Variants in POLR3G observed in about 807,000 individuals in gnomAD.
POLR3G encodes RNA polymerase III subunit G, also known as DNA-directed RNA polymerase III subunit RPC7.
Under a neutral mutation model 30.1 loss-of-function variants are expected in POLR3G, and 28 were observed. The observed-to-expected ratio is 0.93, with a 90% CI of 0.69 to 1.27. POLR3G has a LOEUF of 1.27. POLR3G is among the 50% of genes most tolerant of loss of function. The pLI, the probability that POLR3G is intolerant of heterozygous loss-of-function variation, is 0.00. For synonymous variants in POLR3G, 79 were observed against 82.5 expected (o/e 0.96, Z 0.23); for missense variants, 254 against 264.6 (o/e 0.96, Z 0.28).
intron 7 of POLR3G, among the ~76,000 whole-genome samples, chr5:90,509,996 T>C (rs1752660694): frequency 6.6e-6 from 1 of 152,180 alleles, no homozygotes; most frequent in Non-Finnish European, 1.5e-5. Flanking sequence ...AAACCAGTGG[T>C]TTTCAATACT....
chr5:90,497,299 T>C (rs1752041521), intron 4 of POLR3G, among the ~76,000 whole-genome samples: 1 of 152,032 alleles, frequency 6.6e-6, no homozygotes, highest in Admixed American at 6.6e-5. Flanking sequence ...CTACAGAATA[T>C]ATCAACTACA....
chr5:90,486,678 T>G (rs1331523928), intron 2 of POLR3G, among the ~76,000 whole-genome samples: 1 of 152,210 alleles, frequency 6.6e-6, no homozygotes, highest in Non-Finnish European at 1.5e-5. Flanking sequence ...AGGCCAGGCA[T>G]GCTCACCCTG....
At chr5:90,490,635 C>A in intron 3 of POLR3G, 1 of 399,668 alleles carries the variant, frequency 2.5e-6, no homozygotes, top group African/African-American at 2.1e-5. Context: ...TCTCACATTC[C>A]TGGCTTCAAG....
At chr5:90,496,691 A>G (rs2562515) in intron 4 of POLR3G, among the ~76,000 whole-genome samples, 31,425 of 152,172 alleles carry the variant, frequency 0.21, 3,413 homozygotes, top group East Asian at 0.34. Flanking sequence ...ATTTTAATTC[A>G]CATTCTTTTT....
At chr5:90,475,486 A>ATTTTTATTTAT (rs1554037794) in intron 1 of POLR3G, among the ~76,000 whole-genome samples, 1 of 144,324 alleles carries the variant, frequency 6.9e-6, no homozygotes, top group African/African-American at 2.5e-5. Flanking sequence ...TAATTTTATT[A>ATTTTTATTTAT]TTATTTATTT....
Position 90,474,946 on chromosome 5 carries a change from C to T in POLR3G, c.-118C>T, listed in dbSNP as rs1192102428. The T allele has an allele frequency of 2.0e-5, 3 of 152,530 alleles. No homozygotes were observed. Among genetic ancestry groups the T allele is most frequent in the East Asian group, 3.9e-4 (2 of 5,190 alleles). 9.4% of individuals were successfully genotyped at this position (152,530 alleles called of 1,614,324 possible). On this transcript the variant is annotated 5_prime_UTR_variant, in exon 1 of 8. Transcript: ENST00000651687. ...GGCGGCAGTCAAGCGCCGGCGTTCTCTGCCGTCACCCTTTCCTTGCCGGCC... is the reference window on the plus strand; with the variant it reads ...GGCGGCAGTCAAGCGCCGGCGTTCTTTGCCGTCACCCTTTCCTTGCCGGCC...
At chr5:90,492,423 T>C (rs772339519) in intron 3 of POLR3G, among the ~76,000 whole-genome samples, 1 of 152,182 alleles carries the variant, frequency 6.6e-6, no homozygotes. Context: ...TGACAAATGC[T>C]GAACATAAAG....
intron 6 of POLR3G, 98 bp from the exon 7 acceptor site, chr5:90,506,430 G>A: frequency 1.4e-6 from 2 of 1,429,108 alleles, no homozygotes; most frequent in East Asian, 2.4e-5. Context: ...TAAGATGGGA[G>A]TAGAATAAGG....
chr5:90,497,603 G>T, intron 4 of POLR3G, 53 bp from the exon 5 acceptor site: 1 of 1,558,264 alleles, frequency 6.4e-7, no homozygotes, highest in Non-Finnish European at 8.6e-7. Flanking sequence ...TATGTTCAAT[G>T]CCACAAATTC....
chr5:90,496,659 C>T (rs1382777846), intron 4 of POLR3G, among the ~76,000 whole-genome samples: 1 of 152,232 alleles, frequency 6.6e-6, no homozygotes, highest in Non-Finnish European at 1.5e-5. Flanking sequence ...GTGGCCAATA[C>T]TGTTAGAACC....
chr5:90,484,735 T>G (rs1381419635), intron 1 of POLR3G, among the ~76,000 whole-genome samples: 3 of 152,146 alleles, frequency 2.0e-5, no homozygotes, highest in Non-Finnish European at 4.4e-5. Context: ...ATTTCTCTCT[T>G]GGGTTCAAGG....
chr5:90,507,252 C>T (rs893687893), intron 7 of POLR3G, among the ~76,000 whole-genome samples: 1 of 152,142 alleles, frequency 6.6e-6, no homozygotes, highest in Admixed American at 6.5e-5. Context: ...ACAGCCTCTT[C>T]GGGACTTTGT....
chr5:90,488,864 A>G (rs1310588191), intron 3 of POLR3G, among the ~76,000 whole-genome samples: 1 of 152,192 alleles, frequency 6.6e-6, no homozygotes, highest in African/African-American at 2.4e-5. Flanking sequence ...CAACAGTCTC[A>G]GGCTAGAAGT....
chr5:90,491,204 A>G (rs1009146899), intron 3 of POLR3G, among the ~76,000 whole-genome samples: 1 of 152,208 alleles, frequency 6.6e-6, no homozygotes, highest in African/African-American at 2.4e-5. Flanking sequence ...TATAGAAATG[A>G]TTAGTATTTT....
In POLR3G at chr5:90,512,065, A is replaced by C. The variant is rs777501664; in HGVS notation, c.598A>C (p.Ile200Leu). 1 of 1,600,658 alleles carries C rather than the reference A, an allele frequency of 6.2e-7. No homozygotes were observed. The highest frequency in any genetic ancestry group is 1.7e-5 in the Admixed American group (1 of 60,000). ...EEEQEEENDY[I>L]NSYFEDGDDF... Reference sequence around the variant, plus strand: ...TCATTTCACTTAGGAAAATGACTACATTAATTCATACTTTGAAGATGGAGA... The same window carrying C: ...TCATTTCACTTAGGAAAATGACTACCTTAATTCATACTTTGAAGATGGAGA... The change falls in exon 8 of 8, where the codon ATT becomes CTT. Residue 200 changes from isoleucine (I) to leucine (L), a missense_variant. By Grantham distance (5) the Ile-to-Leu change is conservative. Coordinates refer to ENST00000651687, the MANE Select transcript of POLR3G (RefSeq NM_006467.3).
At chr5:90,495,776 G>T (rs1383422867) in intron 4 of POLR3G, 43 bp downstream of exon 4, 3 of 1,540,690 alleles carry the variant, frequency 1.9e-6, no homozygotes, top group Non-Finnish European at 2.6e-6. Context: ...TTTAAAGGCT[G>T]TCTCTCTCAC....
chr5:90,499,563 A>G (rs1752148817), intron 5 of POLR3G, among the ~76,000 whole-genome samples: 1 of 152,198 alleles, frequency 6.6e-6, no homozygotes, highest in Admixed American at 6.5e-5. Context: ...GGAGACAGCT[A>G]GCATAGATGA....
At chr5:90,509,826 T>C (rs1014996138) in intron 7 of POLR3G, among the ~76,000 whole-genome samples, 5 of 152,130 alleles carry the variant, frequency 3.3e-5, no homozygotes, top group African/African-American at 1.2e-4. Flanking sequence ...TTAAGGACTT[T>C]GAATGTCAAG....
At chr5:90,500,378 A>C (rs1421840626) in intron 5 of POLR3G, among the ~76,000 whole-genome samples, 1 of 152,140 alleles carries the variant, frequency 6.6e-6, no homozygotes, top group Non-Finnish European at 1.5e-5. Flanking sequence ...AAATAAGTTT[A>C]CTTACCTGGC....
Sources: allele counts gnomAD v4.1 joint callset (sites outside exome capture counted in the v4.1 genomes callset), GRCh38; gene constraint gnomAD v4.1.1; transcripts MANE v1.5; gene names NCBI Gene and HGNC (gene_info 2026-07-23, HGNC 2026-07-21).